The following FGD4 variants were observed in gnomAD, a reference collection of about 807,000 sequenced individuals.
The protein encoded by FGD4 is FYVE, RhoGEF and PH domain containing 4.
In FGD4, 42 loss-of-function variants were observed where a neutral mutation model predicts 102.0. The observed-to-expected ratio is 0.41, with a 90% CI of 0.32 to 0.53. The LOEUF (loss-of-function observed/expected upper bound fraction) is 0.53, where lower values mean the gene tolerates loss of function less well. Among genes scored for constraint, FGD4 ranks in the 20% least tolerant of loss-of-function variants. The probability of loss-of-function intolerance (pLI) is 0.21; values close to 1 mark genes in which losing one functional copy is unlikely to be tolerated. For missense variants in FGD4, 902 were observed against 1,078.2 expected, an observed-to-expected ratio of 0.84 and a Z score of 2.29; for synonymous variants, 380 against 375.7, an observed-to-expected ratio of 1.01 and a Z score of -0.13.
chr12:32,480,079 A>G (rs930587723), intron 1 of FGD4, among the ~76,000 whole-genome samples: 3 of 151,950 alleles, frequency 2.0e-5, no homozygotes, highest in Non-Finnish European at 4.4e-5. Context: ...GACATGAACC[A>G]CTACGCCCTG....
intron 3 of FGD4, among the ~76,000 whole-genome samples, chr12:32,577,968 C>T (rs182859120): frequency 3.5e-4 from 53 of 152,250 alleles, no homozygotes; most frequent in East Asian, 1.9e-4. Flanking sequence ...TCCTCTCATC[C>T]TCTCCATTTT....
chr12:32,486,365 A>G (rs1943900410), intron 1 of FGD4, among the ~76,000 whole-genome samples: 1 of 152,186 alleles, frequency 6.6e-6, no homozygotes, highest in Non-Finnish European at 1.5e-5. Context: ...TCTTATCTTC[A>G]TGATCCAGGA....
intron 1 of FGD4, among the ~76,000 whole-genome samples, chr12:32,484,908 T>G (rs149613199): frequency 6.6e-6 from 1 of 152,218 alleles, no homozygotes; most frequent in East Asian, 1.9e-4. Flanking sequence ...AATCCCATCT[T>G]ATTTTTTAAG....
chr12:32,487,377 C>T (rs1279175066), intron 1 of FGD4, among the ~76,000 whole-genome samples: 1 of 152,144 alleles, frequency 6.6e-6, no homozygotes, highest in Non-Finnish European at 1.5e-5. Flanking sequence ...TTATATGTGA[C>T]AGGCAGCGAT....
At chr12:32,598,635 AT>A (rs758589978) in intron 5 of FGD4, 49 bp downstream of exon 5, 1 of 1,438,060 alleles carries the variant, frequency 7.0e-7, no homozygotes, top group South Asian at 1.1e-5. Flanking sequence ...ATTATACATC[AT>A]TTTAACCTAG....
intron 1 of FGD4, among the ~76,000 whole-genome samples, chr12:32,475,938 G>C (rs1943572924): frequency 6.6e-6 from 1 of 152,106 alleles, no homozygotes; most frequent in Non-Finnish European, 1.5e-5. Flanking sequence ...GCTTAAAAAG[G>C]AACCAAACAG....
chr12:32,437,108 C>CAAAAAAAA (rs5797478), intron 1 of FGD4, among the ~76,000 whole-genome samples: 5,659 of 107,398 alleles, frequency 0.053, 139 homozygotes, highest in Middle Eastern at 0.1. Flanking sequence ...GACTCCATGT[C>CAAAAAAAA]AAAAAAAAAA....
At chr12:32,488,770 C>T (rs933463918) in intron 1 of FGD4, among the ~76,000 whole-genome samples, 2 of 152,248 alleles carry the variant, frequency 1.3e-5, no homozygotes, top group Admixed American at 6.5e-5. Context: ...GAAACCCCGT[C>T]TCTACTAAAA....
At chr12:32,602,069 A>T in intron 6 of FGD4, 92 bp from the exon 7 acceptor site, 1 of 1,150,598 alleles carries the variant, frequency 8.7e-7, no homozygotes, top group Non-Finnish European at 1.3e-6. Context: ...GAGCTGTGAT[A>T]ATGCCACTGC....
chr12:32,521,353 C>T lies in FGD4; in HGVS notation c.167-42784C>T, dbSNP rs534303664. ...ATCGCACCACTGCACTCCAGCCTGG[C>T]GACGGCGAGACTCCGTCTCAAAAAA... On this transcript the variant is annotated intron_variant, in intron 1 of 16. Transcript: ENST00000534526. 1.2e-3 allele frequency among the ~76,000 whole-genome samples: 156 copies of T among 130,844 alleles called. 1 individual carries two copies. Among genetic ancestry groups the T allele is most frequent in the Non-Finnish European group, 1.6e-3 (105 of 64,444 alleles). The allele number at this position is 130,844 out of a possible 152,430, so 85.8% of individuals were successfully genotyped here.
At chr12:32,473,032 C>A (rs1373746353) in intron 1 of FGD4, among the ~76,000 whole-genome samples, 3 of 151,594 alleles carry the variant, frequency 2.0e-5, no homozygotes, top group African/African-American at 7.3e-5. Context: ...CTGTATCTAG[C>A]TGCTCTGGTG....
intron 16 of FGD4, among the ~76,000 whole-genome samples, chr12:32,639,259 GT>G (rs1015229094): frequency 4.1e-4 from 63 of 152,106 alleles, no homozygotes; most frequent in African/African-American, 1.3e-3. Flanking sequence ...CACCTCCTGG[GT>G]TCAAGTGATT....
intron 1 of FGD4, among the ~76,000 whole-genome samples, chr12:32,407,326 A>G (rs1940983080): frequency 6.7e-6 from 1 of 150,336 alleles, no homozygotes; most frequent in African/African-American, 2.5e-5. Flanking sequence ...GGGTTTCACC[A>G]TGTTGGCTGG....
At chr12:32,443,427 T>C (rs1193553311) in intron 1 of FGD4, among the ~76,000 whole-genome samples, 1 of 151,982 alleles carries the variant, frequency 6.6e-6, no homozygotes, top group African/African-American at 2.4e-5. Context: ...CATAGCTCAC[T>C]GTAGCCTTGA....
Position 32,399,680 on chromosome 12 carries a change from G to C in FGD4, c.-114G>C. The stretch of plus-strand genomic sequence containing the variant: ...CACTCGCTGAGGAGACGCCGCAGTA[G>C]AGGGCGCCCCCGGAGTCGCGCCGAA... On this transcript the variant is annotated 5_prime_UTR_variant, in exon 1 of 17. Transcript: ENST00000534526. The C allele has an allele frequency of 6.9e-7, 1 of 1,456,008 alleles. No individual in the cohort carries two copies. Among genetic ancestry groups the C allele is most frequent in the Non-Finnish European group, 9.0e-7 (1 of 1,114,402 alleles). The allele number at this position is 1,456,008 out of a possible 1,614,324, so 90.2% of individuals were successfully genotyped here. A position where few individuals can be genotyped will look rare whatever the true frequency, so the allele number is the denominator to read the frequency against.
At chr12:32,509,075 A>G (rs1809612011) in intron 1 of FGD4, among the ~76,000 whole-genome samples, 1 of 152,216 alleles carries the variant, frequency 6.6e-6, no homozygotes, top group Admixed American at 6.5e-5. Flanking sequence ...TCATCCATCT[A>G]ATCTTTAACT....
rs1259954926 is a variant in FGD4, at chr12:32,612,312, C to A, written c.1749+1029C>A. On this transcript the variant is annotated intron_variant, in intron 10 of 16. Transcript: ENST00000534526. ...CTGTGCGCGTGACCCGGACCCTGTG[C>A]TCGCTCATTCACGTACCCCTTGCTG... is the stretch of plus-strand genomic sequence containing the variant. Among the ~76,000 whole-genome samples the A allele has an allele frequency of 1.3e-5, 2 of 152,328 alleles. 1 individual carries two copies. The highest frequency in any genetic ancestry group is 4.1e-4 in the South Asian group (2 of 4,834).
rs114851121 is a variant in FGD4, at chr12:32,543,927, G to A, written c.167-20210G>A. ...CAGGTGTGAGCCACCGCACCCAGCCGGAAATTACAAGAGATTTAAGTGCTG... is the reference window on the plus strand; with the variant it reads ...CAGGTGTGAGCCACCGCACCCAGCCAGAAATTACAAGAGATTTAAGTGCTG... On this transcript the variant is annotated intron_variant, in intron 1 of 16. Transcript: ENST00000534526. Among the ~76,000 whole-genome samples the A allele has an allele frequency of 6.6e-3, 996 of 151,866 alleles. 10 individuals are homozygous for A. The highest frequency in any genetic ancestry group is 0.023 in the African/African-American group (938 of 41,420).
intron 1 of FGD4, among the ~76,000 whole-genome samples, chr12:32,504,523 A>G (rs182080806): frequency 7.8e-4 from 119 of 152,308 alleles, no homozygotes; most frequent in African/African-American, 2.8e-3. Flanking sequence ...GATTCTCACC[A>G]TCCTTACTTG....
Sources: allele counts gnomAD v4.1 joint callset (sites outside exome capture counted in the v4.1 genomes callset), GRCh38; gene constraint gnomAD v4.1.1; transcripts MANE v1.5; gene names NCBI Gene and HGNC (gene_info 2026-07-23, HGNC 2026-07-21).